The following CTNNBL1 variants were observed in gnomAD, a reference collection of about 807,000 sequenced individuals.
CTNNBL1 encodes catenin beta like 1, also known as beta-catenin-like protein 1.
Under a neutral mutation model 72.7 loss-of-function variants are expected in CTNNBL1, and 31 were observed. The ratio of observed to expected loss-of-function variants is 0.43; its 90% confidence interval spans 0.32 to 0.58. CTNNBL1 has a LOEUF of 0.58. CTNNBL1 is among the 20% of genes least tolerant of loss of function. CTNNBL1 has a pLI of 0.08. For missense variants in CTNNBL1, 534 were observed against 725.1 expected (o/e 0.74, Z 3.03); for synonymous variants, 240 against 267.3 (o/e 0.90, Z 1.00).
chr20:37,726,814 C>T (rs1452071105), intron 1 of CTNNBL1, among the ~76,000 whole-genome samples: 2 of 152,198 alleles, frequency 1.3e-5, no homozygotes, highest in Non-Finnish European at 1.5e-5. Context: ...GACACACACA[C>T]ATGCACACAT....
At chr20:37,756,502 G>C (rs1322567812) in intron 4 of CTNNBL1, 3 of 151,928 alleles carry the variant, frequency 2.0e-5, no homozygotes, top group Non-Finnish European at 4.4e-5. Flanking sequence ...GAGAGAGGGA[G>C]TTTTAAGGTG....
At chr20:37,744,568 G>C (rs2073245521) in intron 3 of CTNNBL1, 1 of 152,158 alleles carries the variant, frequency 6.6e-6, no homozygotes, top group Non-Finnish European at 1.5e-5. Flanking sequence ...GCCACACCCA[G>C]CCTGTGATTG....
In CTNNBL1 at chr20:37,860,040, G is replaced by A; in HGVS notation, c.1530+4G>A. 1 of 1,614,052 alleles carries A rather than the reference G, an allele frequency of 6.2e-7. No homozygotes were observed. Among genetic ancestry groups the A allele is most frequent in the Non-Finnish European group, 8.5e-7 (1 of 1,179,952 alleles). On this transcript the variant is annotated splice_donor_region_variant and intron_variant, in intron 14 of 15. Transcript: ENST00000361383. Reference sequence around the variant, plus strand: ...CTGCAATGCCAATGTCCCCCAGGTAGGAGGGTCTTCCCCTGGATGGGCTTA... The same window carrying A: ...CTGCAATGCCAATGTCCCCCAGGTAAGAGGGTCTTCCCCTGGATGGGCTTA...
intron 11 of CTNNBL1, among the ~76,000 whole-genome samples, chr20:37,839,278 G>T (rs1454878418): frequency 2.6e-5 from 4 of 152,198 alleles, no homozygotes; most frequent in African/African-American, 9.7e-5. Context: ...ATAGGAAGAT[G>T]CTCATCAGTT....
rs1457045385 is a variant in CTNNBL1, at chr20:37,694,030, G to C, written c.-93G>C. ...TATTGGCTCTGCGGCTCCGCTCGCC[G>C]CACTTTACGGCAGTGTGGCTGGAGC... On this transcript the variant is annotated 5_prime_UTR_variant, in exon 1 of 16. Coordinates refer to ENST00000361383, the MANE Select transcript of CTNNBL1 (RefSeq NM_030877.5). 3 of 1,411,396 alleles carry C rather than the reference G, an allele frequency of 2.1e-6. No individual in the cohort carries two copies. Among genetic ancestry groups the C allele is most frequent in the Non-Finnish European group, 2.0e-6 (2 of 1,021,776 alleles). 87.4% of individuals were successfully genotyped at this position (1,411,396 alleles called of 1,614,324 possible).
chr20:37,824,845 G>A (rs1026909829), intron 11 of CTNNBL1, among the ~76,000 whole-genome samples: 3 of 152,134 alleles, frequency 2.0e-5, no homozygotes, highest in African/African-American at 7.2e-5. Context: ...CAGTTATTAC[G>A]TCTATATTCC....
chr20:37,793,179 G>A (rs2073740871), intron 10 of CTNNBL1, among the ~76,000 whole-genome samples: 1 of 152,142 alleles, frequency 6.6e-6, no homozygotes, highest in East Asian at 1.9e-4. Flanking sequence ...GTCTATATTT[G>A]TACAGATTTC....
chr20:37,834,835 G>A (rs2235476), intron 11 of CTNNBL1, among the ~76,000 whole-genome samples: 124,492 of 152,106 alleles, frequency 0.82, 50,994 homozygotes, highest in Middle Eastern at 0.89. Context: ...TGAAAAAATT[G>A]TGTACAGACT....
intron 1 of CTNNBL1, among the ~76,000 whole-genome samples, chr20:37,703,425 T>A (rs2072860004): frequency 1.3e-5 from 2 of 152,236 alleles, no homozygotes; most frequent in South Asian, 4.1e-4. Flanking sequence ...ATTCTTGAAC[T>A]TGTCAGTGCT....
chr20:37,697,042 G>A (rs1333810234), intron 1 of CTNNBL1, among the ~76,000 whole-genome samples: 2 of 151,832 alleles, frequency 1.3e-5, no homozygotes, highest in Admixed American at 1.3e-4. Flanking sequence ...AATTAGCCGG[G>A]CGTGGTGGTG....
chr20:37,712,034 A>G (rs1156350115), intron 1 of CTNNBL1, among the ~76,000 whole-genome samples: 2 of 152,236 alleles, frequency 1.3e-5, no homozygotes, highest in Non-Finnish European at 2.9e-5. Flanking sequence ...GTAGAGGAGC[A>G]TTCTGGCCAG....
intron 13 of CTNNBL1, among the ~76,000 whole-genome samples, chr20:37,848,146 CTTTT>C (rs397866131): frequency 1.1e-5 from 1 of 87,772 alleles, no homozygotes; most frequent in African/African-American, 4.2e-5. Context: ...CCACTGCCAG[CTTTT>C]TTTTTTTTTT....
intron 7 of CTNNBL1, among the ~76,000 whole-genome samples, chr20:37,772,662 A>G (rs900754607): frequency 1.3e-5 from 2 of 152,172 alleles, no homozygotes; most frequent in Non-Finnish European, 2.9e-5. Flanking sequence ...CTGAGTTTTA[A>G]TAAGCCCTCA....
chr20:37,798,705 G>GA lies in CTNNBL1; in HGVS notation c.1032-4153dup, dbSNP rs978100618. The stretch of plus-strand genomic sequence containing the variant: ...TTGTTTGTTGAATTTGCTTAGGCAG[G>GA]AAAAAAAAAGAGAGGCTTGGCTACA... On this transcript the variant is annotated intron_variant, in intron 10 of 15. Coordinates refer to ENST00000361383, the MANE Select transcript of CTNNBL1 (RefSeq NM_030877.5). Among the ~76,000 whole-genome samples, 62 of 150,200 alleles carry GA rather than the reference G, an allele frequency of 4.1e-4. No individual in the cohort carries two copies. In the East Asian group the frequency reaches 7.7e-3, roughly 19 times the overall value.
At chr20:37,701,519 A>G (rs8124690) in intron 1 of CTNNBL1, among the ~76,000 whole-genome samples, 4 of 152,212 alleles carry the variant, frequency 2.6e-5, no homozygotes, top group African/African-American at 4.8e-5. Flanking sequence ...TGGGAGCACA[A>G]TGGAAGGAAC....
intron 15 of CTNNBL1, among the ~76,000 whole-genome samples, chr20:37,868,680 G>A (rs900731667): frequency 9.9e-5 from 15 of 152,128 alleles, no homozygotes; most frequent in Admixed American, 2.6e-4. Flanking sequence ...GTGTACCGTC[G>A]GCATATGTAA....
rs6125972 is a variant in CTNNBL1 at position 37,715,826 on chromosome 20, G to C, written c.31-17053G>C. 4.5e-3 allele frequency among the ~76,000 whole-genome samples: 690 copies of C among 152,332 alleles called. 9 individuals are homozygous for C. The highest frequency in any genetic ancestry group is 0.017 in the East Asian group (89 of 5,188). On this transcript the variant is annotated intron_variant, in intron 1 of 15. Coordinates refer to ENST00000361383, the MANE Select transcript of CTNNBL1 (RefSeq NM_030877.5). ...CTGAGGCTAGCTCTCTGAAGTCATTGTAAATTGACAGCTAATGGGTAGTTT... is the reference window on the plus strand; with the variant it reads ...CTGAGGCTAGCTCTCTGAAGTCATTCTAAATTGACAGCTAATGGGTAGTTT...
intron 5 of CTNNBL1, among the ~76,000 whole-genome samples, chr20:37,758,953 C>T (rs1374844956): frequency 1.3e-5 from 2 of 152,048 alleles, no homozygotes; most frequent in East Asian, 1.9e-4. Context: ...ATAATGTTCT[C>T]GACACTAGAA....
At chr20:37,793,114 T>C (rs1320536587) in intron 10 of CTNNBL1, among the ~76,000 whole-genome samples, 1 of 152,210 alleles carries the variant, frequency 6.6e-6, no homozygotes, top group African/African-American at 2.4e-5. Context: ...TGTTGTTGGG[T>C]GGAATGCTTT....
Sources: gnomAD v4.1 joint callset for allele counts (sites outside exome capture counted in the v4.1 genomes callset) on GRCh38, gnomAD v4.1.1 for gene constraint, MANE v1.5 for transcripts, NCBI Gene and HGNC (gene_info 2026-07-23, HGNC 2026-07-21) for gene names.